The following SNX29 variants were observed in gnomAD, a reference collection of about 807,000 sequenced individuals.
SNX29 encodes the protein sorting nexin 29.
In SNX29, 78 loss-of-function variants were observed where a neutral mutation model predicts 102.1. The ratio of observed to expected loss-of-function variants is 0.76; its 90% CI spans 0.64 to 0.92. SNX29 has a LOEUF of 0.92. SNX29 is among the 40% of genes least tolerant of loss of function. The pLI, the probability that SNX29 is intolerant of heterozygous loss-of-function variation, is 0.00. For missense variants in SNX29, 1,280 were observed against 1,061.7 expected (o/e 1.21, Z -2.86); for synonymous variants, 580 against 414.5 (o/e 1.40, Z -4.85).
chr16:12,359,377 C>A (rs985875518), intron 16 of SNX29, among the ~76,000 whole-genome samples: 4 of 152,222 alleles, frequency 2.6e-5, no homozygotes, highest in African/African-American at 9.6e-5. Flanking sequence ...ACTTGCATTT[C>A]CCTGACCACA....
intron 11 of SNX29, among the ~76,000 whole-genome samples, chr16:12,080,837 C>G (rs1183873986): frequency 1.3e-5 from 2 of 151,640 alleles, no homozygotes; most frequent in Non-Finnish European, 1.5e-5. Context: ...GATTACAGGC[C>G]CACGCCCGGC....
chr16:12,437,449 G>T (rs1467277937), intron 18 of SNX29, among the ~76,000 whole-genome samples: 1 of 152,210 alleles, frequency 6.6e-6, no homozygotes, highest in Non-Finnish European at 1.5e-5. Flanking sequence ...GAGGAGGGTT[G>T]CCTGTGCCAG....
intron 19 of SNX29, among the ~76,000 whole-genome samples, chr16:12,501,449 C>T (rs919159924): frequency 2.6e-5 from 4 of 151,624 alleles, no homozygotes; most frequent in East Asian, 1.9e-4. Flanking sequence ...AGGCCAGACG[C>T]GGTGGCTCAC....
At chr16:12,179,441 G>A (rs916922546) in intron 13 of SNX29, among the ~76,000 whole-genome samples, 7 of 152,234 alleles carry the variant, frequency 4.6e-5, no homozygotes, top group Non-Finnish European at 8.8e-5. Context: ...CCATGATGGC[G>A]CCACTGTACT....
intron 15 of SNX29, among the ~76,000 whole-genome samples, chr16:12,343,043 C>G (rs2081661435): frequency 1.3e-5 from 2 of 152,218 alleles, no homozygotes. Context: ...AATGTTCTTT[C>G]ATTTACTGTC....
At chr16:12,364,221 T>TC (rs2082392420) in intron 16 of SNX29, among the ~76,000 whole-genome samples, 1 of 94,232 alleles carries the variant, frequency 1.1e-5, no homozygotes, top group African/African-American at 4.6e-5. Context: ...ATGTTATTTT[T>TC]GTAGAGGCAG....
Position 12,570,208 on chromosome 16 carries a change from C to T in SNX29, c.*1579C>T, listed in dbSNP as rs556864401. 6 of 1,064,846 alleles carry T rather than the reference C, an allele frequency of 5.6e-6. No homozygotes were observed. The highest frequency in any genetic ancestry group is 6.8e-6 in the Non-Finnish European group (6 of 879,034). The allele number at this position is 1,064,846 out of a possible 1,614,324, so 66.0% of individuals were successfully genotyped here. ...TCAGCCTACATGACTTCCAAGGGGA[C>T]CTGGGGCCAGATAAGCCCTGCCCCG... On this transcript the variant is annotated 3_prime_UTR_variant, in exon 21 of 21. Coordinates refer to ENST00000566228, the MANE Select transcript of SNX29 (RefSeq NM_032167.5).
intron 18 of SNX29, among the ~76,000 whole-genome samples, chr16:12,449,038 C>T (rs31712): frequency 0.23 from 35,448 of 151,938 alleles, 4,273 homozygotes; most frequent in South Asian, 0.32. Context: ...ACATGTACTA[C>T]GCAACCTAAT....
intron 18 of SNX29, among the ~76,000 whole-genome samples, chr16:12,426,916 T>C (rs1487491901): frequency 1.3e-5 from 2 of 152,196 alleles, no homozygotes; most frequent in Non-Finnish European, 2.9e-5. Flanking sequence ...TCCACCTGCC[T>C]CGGCCTCCCA....
chr16:12,115,485 T>TTTTGTG (rs369070216), intron 11 of SNX29, among the ~76,000 whole-genome samples: 5 of 141,858 alleles, frequency 3.5e-5, no homozygotes, highest in African/African-American at 1.3e-4. Flanking sequence ...CCACCTTGAT[T>TTTTGTG]TGTGTGTGTG....
chr16:12,525,518 C>T (rs907253392), intron 20 of SNX29, among the ~76,000 whole-genome samples: 4 of 151,890 alleles, frequency 2.6e-5, no homozygotes, highest in Non-Finnish European at 4.4e-5. Flanking sequence ...ACTAAAAATA[C>T]AAAAATTAGC....
Position 12,483,114 on chromosome 16 carries a change from G to GTTTTTGTTTTTTT in SNX29, c.2178+5260_2178+5261insGTTTTTTTTTTTT, listed in dbSNP as rs71139598. On this transcript the variant is annotated intron_variant, in intron 19 of 20. Coordinates refer to ENST00000566228, the MANE Select transcript of SNX29 (RefSeq NM_032167.5). ...AATAGATACATATTGAAGTTATTAAGTTTTTTTTTTTTTTTTTTTTTTTTT... is the reference window on the plus strand; with the variant it reads ...AATAGATACATATTGAAGTTATTAAGTTTTTGTTTTTTTTTTTTTTTTTTTTTTTTTTTTTTTT... Among the ~76,000 whole-genome samples the GTTTTTGTTTTTTT allele has an allele frequency of 3.9e-3, 256 of 66,190 alleles. 40 individuals carry two copies. The highest frequency in any genetic ancestry group is 7.4e-3 in the Admixed American group (36 of 4,854). 43.4% of individuals were successfully genotyped at this position (66,190 alleles called of 152,430 possible). A position where few individuals can be genotyped will look rare whatever the true frequency, so the allele number is the denominator to read the frequency against.
intron 14 of SNX29, among the ~76,000 whole-genome samples, chr16:12,252,165 G>A (rs2078440832): frequency 6.6e-6 from 1 of 152,118 alleles, no homozygotes; most frequent in African/African-American, 2.4e-5. Context: ...AATCCACAAG[G>A]GTTTCTGCAT....
In SNX29 at chr16:12,117,113, C is replaced by T. The variant is rs533498831; in HGVS notation, c.1403-9520C>T. Reference sequence around the variant, plus strand: ...TGGTCAATACGTGCTTCAGTGCGGACGAACCATGGAAACAGGCGTGGTCAA... The same window carrying T: ...TGGTCAATACGTGCTTCAGTGCGGATGAACCATGGAAACAGGCGTGGTCAA... On this transcript the variant is annotated intron_variant, in intron 11 of 20. Transcript: ENST00000566228. Among the ~76,000 whole-genome samples the T allele has an allele frequency of 8.4e-5, 12 of 142,368 alleles. 1 individual carries two copies. Among genetic ancestry groups the T allele is most frequent in the Non-Finnish European group, 1.4e-4 (9 of 65,986 alleles). The allele number at this position is 142,368 out of a possible 152,430, so 93.4% of individuals were successfully genotyped here. A position where few individuals can be genotyped will look rare whatever the true frequency, so the allele number is the denominator to read the frequency against.
chr16:12,178,973 G>A (rs79893169), intron 13 of SNX29, among the ~76,000 whole-genome samples: 4,728 of 152,266 alleles, frequency 0.031, 103 homozygotes, highest in African/African-American at 0.066. Flanking sequence ...TGCTTTGTAT[G>A]TGAATGCTTT....
intron 13 of SNX29, among the ~76,000 whole-genome samples, chr16:12,175,475 A>AAAAC (rs533892439): frequency 7.6e-4 from 115 of 152,138 alleles, no homozygotes; most frequent in South Asian, 6.6e-3. Flanking sequence ...CTAAAAATAC[A>AAAAC]AAACAAACAA....
intron 8 of SNX29, chr16:12,052,770 T>C (rs1192573569): frequency 6.1e-6 from 1 of 163,104 alleles, no homozygotes; most frequent in Non-Finnish European, 1.4e-5. Context: ...GCTTTATACA[T>C]ACATCTGTCA....
At chr16:12,304,614 A>G (rs1181646779) in intron 15 of SNX29, among the ~76,000 whole-genome samples, 1 of 152,184 alleles carries the variant, frequency 6.6e-6, no homozygotes, top group East Asian at 1.9e-4. Flanking sequence ...GCTGGTCTTG[A>G]ACGCCTGACC....
At chr16:12,351,345 G>T (rs986342721) in intron 15 of SNX29, among the ~76,000 whole-genome samples, 2 of 152,018 alleles carry the variant, frequency 1.3e-5, no homozygotes, top group African/African-American at 4.8e-5. Context: ...CCTGAAAACG[G>T]GTTGTGAGTT....
Sources: allele counts gnomAD v4.1 joint callset (sites outside exome capture counted in the v4.1 genomes callset), GRCh38; gene constraint gnomAD v4.1.1; transcripts MANE v1.5; gene names NCBI Gene and HGNC (gene_info 2026-07-23, HGNC 2026-07-21).